Variants in S100PBP observed in about 807,000 individuals in gnomAD.
S100PBP encodes S100P-binding protein.
A neutral mutation model predicts 39.9 loss-of-function variants in S100PBP; 15 were observed. The observed-to-expected ratio is 0.38, with a 90% CI of 0.25 to 0.58. S100PBP has a LOEUF of 0.58. S100PBP is among the 20% of genes least tolerant of loss of function. S100PBP has a pLI of 0.70. For missense variants in S100PBP, 504 were observed against 487.3 expected, an observed-to-expected ratio of 1.03 and a Z score of -0.32; for synonymous variants, 178 against 180.3, an observed-to-expected ratio of 0.99 and a Z score of 0.10.
intron 5 of S100PBP, among the ~76,000 whole-genome samples, chr1:32,830,688 C>G (rs78964920): frequency 0.011 from 1,738 of 152,220 alleles, 31 homozygotes; most frequent in African/African-American, 0.039. Flanking sequence ...GGGAGACTTA[C>G]GGGAAGAACT....
chr1:32,836,808 C>G (rs1270609530), intron 5 of S100PBP: 1 of 153,292 alleles, frequency 6.5e-6, no homozygotes. Flanking sequence ...TAGAGGACAT[C>G]CTCTGAGAAT....
At chr1:32,845,154 A>G (rs1640308563) in intron 5 of S100PBP, among the ~76,000 whole-genome samples, 2 of 152,032 alleles carry the variant, frequency 1.3e-5, no homozygotes, top group Non-Finnish European at 2.9e-5. Context: ...CCTCCTGAGT[A>G]GCTGGGACTA....
chr1:32,842,884 C>A (rs1557505718), intron 5 of S100PBP: 1 of 152,146 alleles, frequency 6.6e-6, no homozygotes, highest in Non-Finnish European at 1.5e-5. Context: ...GTGTGAGCCC[C>A]CGCGCCTGAC....
chr1:32,858,048 G>A lies in S100PBP; in HGVS notation c.*2010G>A, dbSNP rs1417080182. 6.6e-6 allele frequency: 1 copy of A among 152,234 alleles called. No individual in the cohort carries two copies. Among genetic ancestry groups the A allele is most frequent in the Non-Finnish European group, 1.5e-5 (1 of 68,034 alleles). The allele number at this position is 152,234 out of a possible 1,614,324, so 9.4% of individuals were successfully genotyped here. ...CTGCCCTAAATTAGGTTGATGGAGT[G>A]AGACATGCCAAACATCCACCTTTGG... On this transcript the variant is annotated 3_prime_UTR_variant, in exon 7 of 7. Transcript: ENST00000373475.
chr1:32,816,921 G>T, upstream of S100PBP: 1 of 591,226 alleles, frequency 1.7e-6, no homozygotes, highest in Non-Finnish European at 3.0e-6. Flanking sequence ...CTTAATAGGG[G>T]GGTGGAATGG....
At chr1:32,816,889 C>G, upstream of S100PBP, 1 of 559,600 alleles carries the variant, frequency 1.8e-6, no homozygotes, top group East Asian at 3.0e-5. Flanking sequence ...GTATCCCCAG[C>G]GACTAAGCAC....
intron 1 of S100PBP, among the ~76,000 whole-genome samples, chr1:32,823,011 G>A (rs1639156593): frequency 6.6e-6 from 1 of 151,182 alleles, no homozygotes. Context: ...GTCTGTCACA[G>A]ATGTAGTGGG....
Position 32,853,189 on chromosome 1 carries a change from A to T in S100PBP, c.1112+23A>T, listed in dbSNP as rs142096955. On this transcript the variant is annotated intron_variant, in intron 6 of 6. Transcript: ENST00000373475. ...GCGGTGAGTGGGTGATTAGAAGAAG[A>T]TGGAAAAGGGTAGAATGGCTGGGCG... is the stretch of plus-strand genomic sequence containing the variant. The T allele has an allele frequency of 1.1e-3, 1,679 of 1,570,982 alleles. 18 individuals carry two copies. In the African/African-American group the frequency reaches 0.018, roughly 17 times the overall value.
At chr1:32,839,938 C>T (rs1045296010) in intron 5 of S100PBP, among the ~76,000 whole-genome samples, 19 of 151,946 alleles carry the variant, frequency 1.3e-4, no homozygotes, top group East Asian at 5.8e-4. Flanking sequence ...CTGAGCCTCC[C>T]GAGTAGCTGG....
intron 5 of S100PBP, among the ~76,000 whole-genome samples, chr1:32,840,253 T>C (rs1187612354): frequency 6.6e-6 from 1 of 152,060 alleles, no homozygotes; most frequent in East Asian, 1.9e-4. Flanking sequence ...CCCAAAGCAC[T>C]GGGATTACAG....
upstream of S100PBP, chr1:32,817,054 C>T (rs921574269): frequency 6.0e-6 from 7 of 1,162,446 alleles, no homozygotes; most frequent in Admixed American, 8.6e-5. Context: ...GCAGTGAGAT[C>T]TACAGGCTCT....
chr1:32,840,486 A>G (rs1640036294), intron 5 of S100PBP, among the ~76,000 whole-genome samples: 1 of 151,222 alleles, frequency 6.6e-6, no homozygotes, highest in Non-Finnish European at 1.5e-5. Flanking sequence ...TCTCCCAAGT[A>G]GCTGGGATTA....
chr1:32,830,504 A>G (rs1375546840), intron 5 of S100PBP, among the ~76,000 whole-genome samples: 3 of 152,214 alleles, frequency 2.0e-5, no homozygotes, highest in African/African-American at 7.2e-5. Flanking sequence ...TGGCTTCTGA[A>G]TAAAAGCTCT....
chr1:32,830,688 C>T (rs78964920), intron 5 of S100PBP, among the ~76,000 whole-genome samples: 4 of 152,222 alleles, frequency 2.6e-5, no homozygotes, highest in African/African-American at 4.8e-5. Flanking sequence ...GGGAGACTTA[C>T]GGGAAGAACT....
rs139046051 is a variant in S100PBP, at chr1:32,826,272, T to C, written c.173T>C (p.Ile58Thr). Reference protein sequence around the residue: ...DGDVNYTEEEIDALLKEDDPS... With the variant: ...DGDVNYTEEETDALLKEDDPS... ...GATGTAAATTACACAGAGGAAGAGA[T>C]TGATGCACTGTTGAAGGAAGATGAC... is the stretch of plus-strand genomic sequence containing the variant. The change falls in exon 3 of 7, where the codon ATT becomes ACT. Residue 58 changes from isoleucine (I) to threonine (T), a missense_variant. Coordinates refer to ENST00000373475, the MANE Select transcript of S100PBP (RefSeq NM_022753.4). The C allele has an allele frequency of 1.9e-6, 3 of 1,613,906 alleles. No homozygotes were observed. Among genetic ancestry groups the C allele is most frequent in the African/African-American group, 2.7e-5 (2 of 74,872 alleles).
At chr1:32,817,068 A>T, upstream of S100PBP, 1 of 1,298,426 alleles carries the variant, frequency 7.7e-7, no homozygotes, top group Non-Finnish European at 1.1e-6. Flanking sequence ...AGGCTCTCTC[A>T]GAGCTGCGCC....
At chr1:32,824,527 C>T (rs1040182972) in intron 1 of S100PBP, among the ~76,000 whole-genome samples, 1 of 151,584 alleles carries the variant, frequency 6.6e-6, no homozygotes, top group South Asian at 2.1e-4. Flanking sequence ...TTTATGGTCC[C>T]TGCGAGTTAT....
intron 1 of S100PBP, among the ~76,000 whole-genome samples, chr1:32,824,343 T>C (rs1639225446): frequency 1.3e-5 from 2 of 152,220 alleles, no homozygotes; most frequent in South Asian, 4.1e-4. Context: ...TATTTAAGCA[T>C]TTCTTATACT....
At chr1:32,847,258 A>G (rs985520469) in intron 5 of S100PBP, 3 of 152,150 alleles carry the variant, frequency 2.0e-5, no homozygotes, top group Non-Finnish European at 4.4e-5. Flanking sequence ...GTGCACATCT[A>G]CTGATGAAGT....
Sources: allele counts gnomAD v4.1 joint callset (sites outside exome capture counted in the v4.1 genomes callset), GRCh38; gene constraint gnomAD v4.1.1; transcripts MANE v1.5; gene names NCBI Gene and HGNC (gene_info 2026-07-23, HGNC 2026-07-21).